SYT14: variants seen among roughly 807,000 people sequenced by gnomAD.
The protein encoded by SYT14 is synaptotagmin 14.
A neutral mutation model predicts 74.2 loss-of-function variants in SYT14; 32 were observed. The ratio of observed to expected loss-of-function variants is 0.43; its 90% CI spans 0.33 to 0.58. The LOEUF (loss-of-function observed/expected upper bound fraction) is 0.58, where lower values mean the gene tolerates loss of function less well. Among genes scored for constraint, SYT14 ranks in the 20% least tolerant of loss-of-function variants. The pLI, the probability that SYT14 is intolerant of heterozygous loss-of-function variation, is 0.05. For synonymous variants in SYT14, 298 were observed against 337.7 expected (o/e 0.88, Z 1.29); for missense variants, 791 against 981.8 (o/e 0.81, Z 2.60).
exon 10 of SYT14, chr1:210,161,639 C>G (rs1165845865): frequency 2.2e-6 from 1 of 453,870 alleles, no homozygotes; most frequent in Admixed American, 2.4e-5. Context: ...AATCTAAGTG[C>G]AAACAAGTAT....
intron 5 of SYT14, among the ~76,000 whole-genome samples, chr1:210,024,129 A>G (rs1164938979): frequency 6.6e-6 from 1 of 152,186 alleles, no homozygotes; most frequent in African/African-American, 2.4e-5. Flanking sequence ...GGAGAGATGA[A>G]GTCTAAGGCC....
At chr1:210,138,254 G>T (rs953711780) in intron 7 of SYT14, among the ~76,000 whole-genome samples, 2 of 152,198 alleles carry the variant, frequency 1.3e-5, no homozygotes, top group African/African-American at 4.8e-5. Flanking sequence ...AGGCAAGAGA[G>T]CCTGTGCAGG....
At chr1:210,076,200 G>C (rs866125945) in intron 5 of SYT14, among the ~76,000 whole-genome samples, 2 of 152,026 alleles carry the variant, frequency 1.3e-5, no homozygotes, top group Non-Finnish European at 2.9e-5. Flanking sequence ...TGATAATTTT[G>C]GGTCATGATT....
At chr1:210,024,028 G>T (rs960303551) in intron 5 of SYT14, among the ~76,000 whole-genome samples, 1 of 152,206 alleles carries the variant, frequency 6.6e-6, no homozygotes, top group Non-Finnish European at 1.5e-5. Context: ...AAAATGTAGA[G>T]AATGTTTCAG....
At chr1:210,020,068 T>G (rs775342476) in intron 4 of SYT14, among the ~76,000 whole-genome samples, 12 of 152,312 alleles carry the variant, frequency 7.9e-5, no homozygotes, top group Admixed American at 5.2e-4. Flanking sequence ...CATACCTATG[T>G]ATGCATTATG....
rs1443006627 is a variant in SYT14 at position 210,006,063 on chromosome 1, G to A, written c.-485-7570G>A. On this transcript the variant is annotated intron_variant, in intron 2 of 9. Coordinates refer to ENST00000637265, the Ensembl canonical transcript of SYT14. ...AGGTAGGTAACTGTTTCTCTTAGAG[G>A]GCATTTTTTTTCCCTAAGATCTTAG... Among the ~76,000 whole-genome samples, 3 of 151,738 alleles carry A rather than the reference G, an allele frequency of 2.0e-5. No homozygotes were observed. The East Asian group carries it at 5.8e-4, about 29-fold the overall frequency.
rs1179001735 is a variant in SYT14, at chr1:210,101,769, GGTCT to G, written c.2034+1310_2034+1313del. On this transcript the variant is annotated intron_variant, in intron 7 of 9. Transcript: ENST00000637265. ...TGATTTCTAAACTTCTTCATTATTT[GGTCT>G]GAGTGATCACTAGTTACTCTGTGGA... Among the ~76,000 whole-genome samples the G allele has an allele frequency of 3.3e-5, 5 of 151,948 alleles. No individual in the cohort carries two copies. In the South Asian group the frequency reaches 6.2e-4, roughly 19 times the overall value.
chr1:210,065,565 A>G (rs2081281086), intron 5 of SYT14, among the ~76,000 whole-genome samples: 1 of 151,490 alleles, frequency 6.6e-6, no homozygotes, highest in Non-Finnish European at 1.5e-5. Flanking sequence ...TTTTATTTAA[A>G]TTTTTATTTA....
At chr1:210,025,375 G>C (rs140836012) in intron 5 of SYT14, among the ~76,000 whole-genome samples, 289 of 152,266 alleles carry the variant, frequency 1.9e-3, no homozygotes, top group African/African-American at 6.5e-3. Context: ...TCTTATTGCT[G>C]TGACCCTTTG....
intron 7 of SYT14, among the ~76,000 whole-genome samples, chr1:210,138,733 T>G (rs939370666): frequency 1.3e-5 from 2 of 152,196 alleles, no homozygotes; most frequent in African/African-American, 4.8e-5. Flanking sequence ...CTTTAAAATA[T>G]AAGCAATCAT....
chr1:210,117,247 C>A (rs1257811014), intron 7 of SYT14, among the ~76,000 whole-genome samples: 3 of 151,994 alleles, frequency 2.0e-5, no homozygotes, highest in African/African-American at 7.2e-5. Context: ...GATGTTTATA[C>A]TGTTATTTTT....
intron 5 of SYT14, among the ~76,000 whole-genome samples, chr1:210,027,294 A>T (rs984558254): frequency 4.6e-5 from 7 of 152,010 alleles, no homozygotes; most frequent in African/African-American, 1.7e-4. Flanking sequence ...CCATGCCTGT[A>T]ACCTTAATTT....
At position 210,163,432 on chromosome 1, in the gene SYT14, T is replaced by C. The variant is rs1417161268; in HGVS notation, c.*2390T>C. ...CTGCCAAGTCCTCAAAGATTATAAATTATCTATATGAGTGTATGTATCTGT... is the reference window on the plus strand; with the variant it reads ...CTGCCAAGTCCTCAAAGATTATAAACTATCTATATGAGTGTATGTATCTGT... On this transcript the variant is annotated 3_prime_UTR_variant, in exon 10 of 10. Coordinates refer to ENST00000637265, the Ensembl canonical transcript of SYT14. 6.6e-6 allele frequency: 3 copies of C among 453,782 alleles called. No homozygotes were observed. The Admixed American group carries it at 7.1e-5, about 11-fold the overall frequency. 28.1% of individuals were successfully genotyped at this position (453,782 alleles called of 1,614,324 possible). A position where few individuals can be genotyped will look rare whatever the true frequency, so the allele number is the denominator to read the frequency against.
chr1:210,015,256 G>A (rs1037270684), intron 3 of SYT14, among the ~76,000 whole-genome samples: 2 of 152,086 alleles, frequency 1.3e-5, no homozygotes, highest in African/African-American at 4.8e-5. Flanking sequence ...TAACTCCAGT[G>A]TTCACTTGTG....
intron 7 of SYT14, among the ~76,000 whole-genome samples, chr1:210,137,686 T>G (rs1210540700): frequency 6.6e-6 from 1 of 150,672 alleles, no homozygotes; most frequent in Non-Finnish European, 1.5e-5. Context: ...AATTTCTTTT[T>G]TTTTTTTTTT....
intron 7 of SYT14, among the ~76,000 whole-genome samples, chr1:210,129,304 C>T (rs929480459): frequency 1.3e-5 from 2 of 152,142 alleles, no homozygotes; most frequent in South Asian, 4.1e-4. Context: ...CTCTCTTCCC[C>T]GACCCTGCCT....
intron 2 of SYT14, among the ~76,000 whole-genome samples, chr1:209,974,798 TG>T (rs1368915234): frequency 1.3e-5 from 2 of 152,236 alleles, no homozygotes; most frequent in African/African-American, 2.4e-5. Flanking sequence ...TAAATTACCT[TG>T]GGCAATTTGG....
At chr1:210,154,442 T>A (rs1369700887) in intron 7 of SYT14, among the ~76,000 whole-genome samples, 1 of 152,182 alleles carries the variant, frequency 6.6e-6, no homozygotes, top group Non-Finnish European at 1.5e-5. Context: ...TGGTCGCTGG[T>A]GCCAAAAAGG....
exon 7 of SYT14, chr1:210,100,122 G>A: frequency 6.2e-7 from 1 of 1,614,070 alleles, no homozygotes. Flanking sequence ...CACAAGAACA[G>A]AAGCTTCTGG....
Sources: gnomAD v4.1 joint callset for allele counts (sites outside exome capture counted in the v4.1 genomes callset) on GRCh38, gnomAD v4.1.1 for gene constraint, MANE v1.5 for transcripts, NCBI Gene and HGNC (gene_info 2026-07-23, HGNC 2026-07-21) for gene names.